OR5K1: variants seen among roughly 807,000 people sequenced by gnomAD.
OR5K1 encodes olfactory receptor 5K1.
A neutral mutation model predicts 10.4 loss-of-function variants in OR5K1; 7 were observed. That is an observed-to-expected ratio of 0.67 (90% CI 0.38 to 1.26). OR5K1 has a LOEUF of 1.26. OR5K1 is among the 50% of genes most tolerant of loss of function. The probability of loss-of-function intolerance (pLI) is 0.02; values close to 1 mark genes in which losing one functional copy is unlikely to be tolerated. For synonymous variants in OR5K1, 135 were observed against 128.5 expected (o/e 1.05, Z -0.34); for missense variants, 435 against 366.2 (o/e 1.19, Z -1.53).
intron 1 of OR5K1, among the ~76,000 whole-genome samples, chr3:98,468,467 C>A (rs1705400754): frequency 6.6e-6 from 1 of 151,880 alleles, no homozygotes; most frequent in Non-Finnish European, 1.5e-5. Context: ...AACTCTGTAA[C>A]CATTAAGAAA....
chr3:98,470,436 C>T lies in OR5K1; in HGVS notation c.860C>T (p.Pro287Leu), dbSNP rs577765647. The T allele has an allele frequency of 6.9e-6, 11 of 1,600,834 alleles. 1 individual carries two copies. The highest frequency in any genetic ancestry group is 1.7e-4 in the Middle Eastern group (1 of 6,012). The change falls in exon 2 of 2, where the codon CCT (proline) becomes CTT (leucine). Residue 287 changes from proline to leucine, a missense_variant. Transcript: ENST00000642057. ...LFTIVVPLLN[P>L]FIYSLRNREV... Reference sequence around the variant, plus strand: ...ACAATAGTAGTTCCCTTACTAAATCCTTTCATTTATAGCCTGAGAAATAGG... The same window carrying T: ...ACAATAGTAGTTCCCTTACTAAATCTTTTCATTTATAGCCTGAGAAATAGG...
At chr3:98,465,475 T>C (rs79867021) in intron 1 of OR5K1, among the ~76,000 whole-genome samples, 2,949 of 152,242 alleles carry the variant, frequency 0.019, 73 homozygotes, top group African/African-American at 0.067. Flanking sequence ...AGTCTAATTA[T>C]TTCTTTCTGG....
Position 98,469,858 on chromosome 3 carries a change from C to A in OR5K1, c.282C>A (p.Leu94=), listed in dbSNP as rs749506811. The stretch of plus-strand genomic sequence containing the variant: ...TTTCTGAGAACAAAAGGATTTCCCT[C>A]TATGAATGTGCAGTACAGTTTTATT... ...NFFSENKRIS[L]YECAVQFYFL... The change falls in exon 2 of 2, where the codon CTC becomes CTA. Residue 94 remains leucine, a synonymous_variant. Coordinates refer to ENST00000642057, the MANE Select transcript of OR5K1 (RefSeq NM_001004736.4). The A allele has an allele frequency of 3.8e-5, 61 of 1,613,678 alleles. No individual in the cohort carries two copies. Among genetic ancestry groups the A allele is most frequent in the Non-Finnish European group, 4.9e-5 (58 of 1,179,792 alleles).
rs1705436268 is a variant in OR5K1, at chr3:98,470,570, C to G, written c.*67C>G. The G allele has an allele frequency of 2.2e-6, 2 of 909,916 alleles. No homozygotes were observed. The highest frequency in any genetic ancestry group is 3.3e-6 in the Non-Finnish European group (2 of 601,700). The allele number at this position is 909,916 out of a possible 1,614,324, so 56.4% of individuals were successfully genotyped here. A position where few individuals can be genotyped will look rare whatever the true frequency, so the allele number is the denominator to read the frequency against. On this transcript the variant is annotated 3_prime_UTR_variant, in exon 2 of 2. Coordinates refer to ENST00000642057, the MANE Select transcript of OR5K1 (RefSeq NM_001004736.4). ...ATGATTTAAATGCAGCAAAAACTTCCATGTGAAATTACACAGGGGAAATGC... is the reference window on the plus strand; with the variant it reads ...ATGATTTAAATGCAGCAAAAACTTCGATGTGAAATTACACAGGGGAAATGC...
Position 98,470,361 on chromosome 3 carries a change from C to A in OR5K1, c.785C>A (p.Pro262Gln), listed in dbSNP as rs1705432695. ...YGSLFFMYVR[P>Q]NLLEEGDKDI... ...TCTCTTTTCTTCATGTACGTTAGAC[C>A]AAATTTGCTTGAAGAAGGGGATAAA... Residue 262 changes from proline to glutamine, a missense_variant, in exon 2 of 2, where the codon CCA becomes CAA. Physicochemically the swap from Pro to Gln is moderately conservative, Grantham distance 76 (BLOSUM62 -1). Coordinates refer to ENST00000642057, the MANE Select transcript of OR5K1 (RefSeq NM_001004736.4). The A allele has an allele frequency of 1.2e-6, 2 of 1,612,986 alleles. No homozygotes were observed. The highest frequency in any genetic ancestry group is 1.7e-4 in the Middle Eastern group (1 of 6,054).
rs201581302 is a variant in OR5K1, at chr3:98,469,758, T to C, written c.182T>C (p.Ile61Thr). The C allele has an allele frequency of 3.4e-5, 55 of 1,613,686 alleles. No individual in the cohort carries two copies. Among genetic ancestry groups the C allele is most frequent in the Non-Finnish European group, 4.3e-5 (51 of 1,179,824 alleles). ...CGTCGGCTTCACACACCAATGTACA[T>C]CTTTCTGGGAAATCTGGCTCTTGTG... The part of the protein sequence containing the change: ...THRRLHTPMY[I>T]FLGNLALVDS... Residue 61 changes from isoleucine to threonine, a missense_variant, in exon 2 of 2, where the codon ATC becomes ACC. Coordinates refer to ENST00000642057, the MANE Select transcript of OR5K1 (RefSeq NM_001004736.4).
At position 98,469,835 on chromosome 3, in the gene OR5K1, T is replaced by A. The variant is rs1315868582; in HGVS notation, c.259T>A (p.Ser87Thr). 1 of 1,613,822 alleles carries A rather than the reference T, an allele frequency of 6.2e-7. No individual in the cohort carries two copies. The highest frequency in any genetic ancestry group is 1.7e-5 in the Admixed American group (1 of 59,936). The change falls in exon 2 of 2, where the codon TCT becomes ACT. Residue 87 changes from serine (S) to threonine (T), a missense_variant. Ser to Thr is a moderately conservative substitution (Grantham distance 58, BLOSUM62 1). Transcript: ENST00000642057. Reference protein sequence around the residue: ...ITPKMLENFFSENKRISLYEC... With the variant: ...ITPKMLENFFTENKRISLYEC... ...CCCCAAAATGTTAGAGAACTTCTTTTCTGAGAACAAAAGGATTTCCCTCTA... is the reference window on the plus strand; with the variant it reads ...CCCCAAAATGTTAGAGAACTTCTTTACTGAGAACAAAAGGATTTCCCTCTA...
intron 1 of OR5K1, 104 bp from the exon 2 acceptor site, chr3:98,469,462 A>G: frequency 9.1e-7 from 1 of 1,101,404 alleles, no homozygotes; most frequent in South Asian, 1.6e-5. Context: ...AGGCAACATG[A>G]GGAAACATTG....
At chr3:98,465,985 T>C (rs546769161) in intron 1 of OR5K1, among the ~76,000 whole-genome samples, 197 of 151,946 alleles carry the variant, frequency 1.3e-3, no homozygotes, top group Admixed American at 4.2e-3. Flanking sequence ...GCCATGCTGG[T>C]GCGCTGCACC....
Position 98,470,406 on chromosome 3 carries a change from T to C in OR5K1, c.830T>C (p.Leu277Ser). Residue 277 changes from leucine to serine, a missense_variant, in exon 2 of 2, where the codon TTA becomes TCA. Transcript: ENST00000642057. ...EGDKDIPAAI[L>S]FTIVVPLLNP... ...GATAAAGATATACCAGCTGCAATTTTATTTACAATAGTAGTTCCCTTACTA... is the reference window on the plus strand; with the variant it reads ...GATAAAGATATACCAGCTGCAATTTCATTTACAATAGTAGTTCCCTTACTA... 2 of 1,609,296 alleles carry C rather than the reference T, an allele frequency of 1.2e-6. No individual in the cohort carries two copies. The highest frequency in any genetic ancestry group is 2.2e-5 in the East Asian group (1 of 44,808).
Position 98,470,774 on chromosome 3 carries a change from C to G in OR5K1, c.*271C>G. On this transcript the variant is annotated 3_prime_UTR_variant, in exon 2 of 2. Coordinates refer to ENST00000642057, the MANE Select transcript of OR5K1 (RefSeq NM_001004736.4). ...TGTAGTATGTTGTCAAGCTCTTGGT[C>G]TGTGTTGGCATCAGGGATGATAAGC... 1 of 226,376 alleles carries G rather than the reference C, an allele frequency of 4.4e-6. No homozygotes were observed. The allele number at this position is 226,376 out of a possible 1,614,324, so 14.0% of individuals were successfully genotyped here.
In OR5K1 at chr3:98,470,522, C is replaced by G. The variant is rs552634739; in HGVS notation, c.*19C>G. On this transcript the variant is annotated 3_prime_UTR_variant, in exon 2 of 2. Coordinates refer to ENST00000642057, the MANE Select transcript of OR5K1 (RefSeq NM_001004736.4). ...GAAATAATCTCAAGAAAGATGGAAA[C>G]AAGTGACATCTACTATAGCTTAATG... 1.4e-6 allele frequency: 2 copies of G among 1,384,910 alleles called. No homozygotes were observed. Among genetic ancestry groups the G allele is most frequent in the South Asian group, 2.5e-5 (2 of 79,946 alleles). 85.8% of individuals were successfully genotyped at this position (1,384,910 alleles called of 1,614,324 possible).
rs893378284 is a variant in OR5K1 at position 98,471,910 on chromosome 3, T to C, written c.*1407T>C. On this transcript the variant is annotated 3_prime_UTR_variant, in exon 2 of 2. Transcript: ENST00000642057. ...AACCTCCAAGAAAATCTAACCTAGT[T>C]CATTCCAATTATACTTGGACATGTG... is the stretch of plus-strand genomic sequence containing the variant. The C allele has an allele frequency of 1.3e-5, 2 of 152,062 alleles. No homozygotes were observed. Among genetic ancestry groups the C allele is most frequent in the African/African-American group, 4.8e-5 (2 of 41,426 alleles). The allele number at this position is 152,062 out of a possible 1,614,324, so 9.4% of individuals were successfully genotyped here.
chr3:98,465,944 T>A (rs1004151250), intron 1 of OR5K1, among the ~76,000 whole-genome samples: 3 of 151,864 alleles, frequency 2.0e-5, no homozygotes, highest in Admixed American at 1.3e-4. Flanking sequence ...CATGTGCACA[T>A]TGTGCAGGTT....
At chr3:98,467,948 G>A (rs1243344360) in intron 1 of OR5K1, among the ~76,000 whole-genome samples, 1 of 151,742 alleles carries the variant, frequency 6.6e-6, no homozygotes, top group Non-Finnish European at 1.5e-5. Flanking sequence ...TTGAATAGGA[G>A]CGGTGAGAGA....
Position 98,464,910 on chromosome 3 carries a change from T to C in OR5K1, c.-12+1603T>C, listed in dbSNP as rs571361187. On this transcript the variant is annotated intron_variant, in intron 1 of 1. Coordinates refer to ENST00000642057, the MANE Select transcript of OR5K1 (RefSeq NM_001004736.4). The stretch of plus-strand genomic sequence containing the variant: ...TTGCTCAATGAATCCATTGTAACAT[T>C]ATTCACAGTAGAATTGTGAAGTGCA... 3.3e-5 allele frequency among the ~76,000 whole-genome samples: 5 copies of C among 152,302 alleles called. No individual in the cohort carries two copies. The South Asian group carries it at 1.0e-3, about 32-fold the overall frequency.
At position 98,472,106 on chromosome 3, in the gene OR5K1, T is replaced by A. The variant is rs950084644; in HGVS notation, c.*1603T>A. On this transcript the variant is annotated 3_prime_UTR_variant, in exon 2 of 2. Transcript: ENST00000642057. The stretch of plus-strand genomic sequence containing the variant: ...TATGATTCTGTGAGATGTTTGAGCC[T>A]ATTTGACCCGTTGGTTATTTCTTCA... 1 of 152,032 alleles carries A rather than the reference T, an allele frequency of 6.6e-6. No individual in the cohort carries two copies. Among genetic ancestry groups the A allele is most frequent in the African/African-American group, 2.4e-5 (1 of 41,416 alleles). The allele number at this position is 152,032 out of a possible 1,614,324, so 9.4% of individuals were successfully genotyped here. A position where few individuals can be genotyped will look rare whatever the true frequency, so the allele number is the denominator to read the frequency against.
rs1397159041 is a variant in OR5K1, at chr3:98,472,093, A to C, written c.*1590A>C. 2 of 151,952 alleles carry C rather than the reference A, an allele frequency of 1.3e-5. No individual in the cohort carries two copies. Among genetic ancestry groups the C allele is most frequent in the African/African-American group, 4.8e-5 (2 of 41,396 alleles). 9.4% of individuals were successfully genotyped at this position (151,952 alleles called of 1,614,324 possible). ...GCTCTGTCCAAGCTATGATTCTGTG[A>C]GATGTTTGAGCCTATTTGACCCGTT... On this transcript the variant is annotated 3_prime_UTR_variant, in exon 2 of 2. Transcript: ENST00000642057.
chr3:98,470,430 T>G lies in OR5K1; in HGVS notation c.854T>G (p.Leu285Arg). ...TTATTTACAATAGTAGTTCCCTTACTAAATCCTTTCATTTATAGCCTGAGA... is the reference window on the plus strand; with the variant it reads ...TTATTTACAATAGTAGTTCCCTTACGAAATCCTTTCATTTATAGCCTGAGA... ...AILFTIVVPL[L>R]NPFIYSLRNR... is the part of the protein sequence containing the mutation. Residue 285 changes from leucine (L) to arginine (R), a missense_variant, in exon 2 of 2, where the codon CTA becomes CGA. By Grantham distance (102) the Leu-to-Arg change is moderately radical. Coordinates refer to ENST00000642057, the MANE Select transcript of OR5K1 (RefSeq NM_001004736.4). 6.2e-7 allele frequency: 1 copy of G among 1,603,800 alleles called. No homozygotes were observed. The highest frequency in any genetic ancestry group is 8.5e-7 in the Non-Finnish European group (1 of 1,171,372).
Sources: gnomAD v4.1 joint callset for allele counts (sites outside exome capture counted in the v4.1 genomes callset) on GRCh38, gnomAD v4.1.1 for gene constraint, MANE v1.5 for transcripts, NCBI Gene and HGNC (gene_info 2026-07-23, HGNC 2026-07-21) for gene names.